RUFY3: variants seen among roughly 807,000 people sequenced by gnomAD.
RUFY3 encodes RUN and FYVE domain containing 3, also known as protein RUFY3.
In RUFY3, 34 loss-of-function variants were observed where a neutral mutation model predicts 84.0. The observed-to-expected ratio is 0.40, with a 90% CI of 0.31 to 0.54. The LOEUF is 0.54. Ranked by LOEUF, RUFY3 falls within the 20% of genes least tolerant of loss-of-function variation. The pLI, the probability that RUFY3 is intolerant of heterozygous loss-of-function variation, is 0.39. For missense variants in RUFY3, 507 were observed against 736.8 expected, an observed-to-expected ratio of 0.69 and a Z score of 3.61; for synonymous variants, 242 against 252.9, an observed-to-expected ratio of 0.96 and a Z score of 0.41.
At chr4:70,720,888 C>CGTGTGTGTGTGTGTGTGT (rs71210198), upstream of RUFY3, among the ~76,000 whole-genome samples, 2 of 138,468 alleles carry the variant, frequency 1.4e-5, no homozygotes, top group Non-Finnish European at 3.2e-5. Context: ...AATATAGGGC[C>CGTGTGTGTGTGTGTGTGT]GTGTGTGTGT....
chr4:70,759,480 A>C (rs1391606894), intron 1 of RUFY3, among the ~76,000 whole-genome samples: 1 of 152,152 alleles, frequency 6.6e-6, no homozygotes, highest in African/African-American at 2.4e-5. Flanking sequence ...GCTGAATTAA[A>C]CATGGGAATG....
intron 14 of RUFY3, among the ~76,000 whole-genome samples, chr4:70,796,946 C>CTTTTTTTTTT (rs1203826586): frequency 1.5e-5 from 2 of 135,174 alleles, no homozygotes. Context: ...CTTTTCTTTT[C>CTTTTTTTTTT]TTTTTTTTTT....
chr4:70,727,822 A>G (rs1718534026), intron 1 of RUFY3, among the ~76,000 whole-genome samples: 1 of 151,864 alleles, frequency 6.6e-6, no homozygotes, highest in African/African-American at 2.4e-5. Flanking sequence ...AAAGAAATTC[A>G]CCAATACATG....
intron 1 of RUFY3, among the ~76,000 whole-genome samples, chr4:70,724,293 TTTTG>T (rs1405743766): frequency 1.3e-5 from 2 of 152,206 alleles, no homozygotes; most frequent in African/African-American, 4.8e-5. Flanking sequence ...AGTTTACATA[TTTTG>T]TTTGAAAAAA....
intron 1 of RUFY3, among the ~76,000 whole-genome samples, chr4:70,729,285 C>G (rs1458339189): frequency 6.6e-6 from 1 of 151,856 alleles, no homozygotes; most frequent in Non-Finnish European, 1.5e-5. Flanking sequence ...GAGACAGAGT[C>G]TCACAGTGTC....
intron 1 of RUFY3, among the ~76,000 whole-genome samples, chr4:70,742,113 T>C (rs1242377003): frequency 1.3e-5 from 2 of 152,294 alleles, no homozygotes; most frequent in Admixed American, 1.3e-4. Flanking sequence ...TTAAGCTTTG[T>C]CATGTCATAG....
chr4:70,798,889 G>A lies in RUFY3; in HGVS notation c.1558-1252G>A, dbSNP rs558834841. 5.9e-5 allele frequency among the ~76,000 whole-genome samples: 9 copies of A among 152,164 alleles called. No homozygotes were observed. In the East Asian group the frequency reaches 1.4e-3, roughly 23 times the overall value. The stretch of plus-strand genomic sequence containing the variant: ...TTTGAGGCTGGGCGTGGTGGCTTAC[G>A]CCTGTAATCCCAGCACTTTGGGAGG... On this transcript the variant is annotated intron_variant, in intron 14 of 17. Transcript: ENST00000381006.
At chr4:70,768,689 G>C in intron 5 of RUFY3, 28 bp downstream of exon 5, 1 of 1,608,544 alleles carries the variant, frequency 6.2e-7, no homozygotes, top group Non-Finnish European at 8.5e-7. Flanking sequence ...ATTCCCATGG[G>C]TGTCACTCTG....
intron 17 of RUFY3, 76 bp from the exon 18 acceptor site, chr4:70,806,440 A>G (rs142063445): frequency 6.5e-7 from 1 of 1,532,002 alleles, no homozygotes; most frequent in African/African-American, 1.4e-5. Context: ...CATTTGCCAT[A>G]TTTGGCTTTT....
At chr4:70,741,046 AC>A (rs1217351558) in intron 1 of RUFY3, among the ~76,000 whole-genome samples, 2 of 152,162 alleles carry the variant, frequency 1.3e-5, no homozygotes, top group African/African-American at 4.8e-5. Context: ...TGGTGAATAA[AC>A]ATCTGGCTTT....
chr4:70,729,068 A>T (rs541515827), intron 1 of RUFY3, among the ~76,000 whole-genome samples: 1 of 152,304 alleles, frequency 6.6e-6, no homozygotes, highest in Admixed American at 6.5e-5. Context: ...ACAGTAAAGG[A>T]ATTAGTACAA....
At position 70,796,497 on chromosome 4, in the gene RUFY3, A is replaced by G. The variant is rs150665379; in HGVS notation, c.1557+1603A>G. 3.5e-4 allele frequency among the ~76,000 whole-genome samples: 53 copies of G among 152,312 alleles called. 1 individual carries two copies. In the East Asian group the frequency reaches 8.7e-3, roughly 25 times the overall value. On this transcript the variant is annotated intron_variant, in intron 14 of 17. Coordinates refer to ENST00000381006, the MANE Select transcript of RUFY3 (RefSeq NM_001037442.4). ...TTGTTTATAATTTCCATTGAAAGCT[A>G]TACTTTTGTCTGCAGCTGATACGGG... is the stretch of plus-strand genomic sequence containing the variant.
chr4:70,710,209 TACAC>T (rs936945529), intron 1 of RUFY3, among the ~76,000 whole-genome samples: 8 of 152,224 alleles, frequency 5.3e-5, no homozygotes, highest in African/African-American at 1.9e-4. Flanking sequence ...TTAACATATA[TACAC>T]ACACAAGTAT....
At chr4:70,785,674 C>CAA (rs529555155) in intron 10 of RUFY3, among the ~76,000 whole-genome samples, 5,967 of 133,348 alleles carry the variant, frequency 0.045, 270 homozygotes, top group East Asian at 0.21. Flanking sequence ...ACTAAAAATA[C>CAA]AAAAAAAAAA....
Position 70,804,402 on chromosome 4 carries a change from G to T in RUFY3, c.1705G>T (p.Gly569Cys), listed in dbSNP as rs371428495. ...GTTGTGTCAGCTATGCCAGGAAGAC[G>T]GCAGCCTAACAAAGGTAACTGTGAT... ...PQLCQLCQED[G>C]SLTKNVCKNC... The change falls in exon 17 of 18, where the codon GGC becomes TGC. Residue 569 changes from glycine (G) to cysteine (C), a missense_variant. By Grantham distance (159) the Gly-to-Cys change is radical. This residue lies in a region of RUFY3 where 334 missense variants were observed against 364.1 expected (regional missense o/e 0.92). Coordinates refer to ENST00000381006, the MANE Select transcript of RUFY3 (RefSeq NM_001037442.4). 9.3e-6 allele frequency: 15 copies of T among 1,613,822 alleles called. No individual in the cohort carries two copies. The highest frequency in any genetic ancestry group is 8.0e-5 in the African/African-American group (6 of 74,986).
chr4:70,785,354 T>TA (rs1033275496), intron 10 of RUFY3, among the ~76,000 whole-genome samples: 1 of 151,592 alleles, frequency 6.6e-6, no homozygotes, highest in Non-Finnish European at 1.5e-5. Context: ...TTTTAGAAAT[T>TA]AAAAAAAATA....
intron 14 of RUFY3, among the ~76,000 whole-genome samples, chr4:70,799,064 G>A (rs1731890032): frequency 6.7e-6 from 1 of 148,388 alleles, no homozygotes; most frequent in Non-Finnish European, 1.5e-5. Flanking sequence ...AGACTCGCTT[G>A]AAACCAGGAG....
intron 10 of RUFY3, among the ~76,000 whole-genome samples, chr4:70,787,905 C>G (rs1358775699): frequency 3.3e-5 from 5 of 152,066 alleles, no homozygotes; most frequent in Non-Finnish European, 7.4e-5. Flanking sequence ...TGCAGAAGAT[C>G]CTCAGGTCTT....
intron 7 of RUFY3, among the ~76,000 whole-genome samples, chr4:70,776,591 G>A (rs1428335827): frequency 2.0e-5 from 3 of 152,100 alleles, no homozygotes; most frequent in Admixed American, 6.6e-5. Context: ...TGGCTAACAC[G>A]GTGAAACCCC....
Sources: allele counts gnomAD v4.1 joint callset (sites outside exome capture counted in the v4.1 genomes callset), GRCh38; gene constraint gnomAD v4.1.1; regional missense constraint gnomAD v4.1.1; transcripts MANE v1.5; gene names NCBI Gene and HGNC (gene_info 2026-07-23, HGNC 2026-07-21).